UGT1A9: variants seen among roughly 807,000 people sequenced by gnomAD.
The protein encoded by UGT1A9 is UDP-glucuronosyltransferase 1A9.
UGT1A9 carries 35 observed loss-of-function variants against 45.0 expected under a neutral mutation model. That is an observed-to-expected ratio of 0.78 (90% CI 0.59 to 1.03). The LOEUF is 1.03. Ranked by LOEUF, UGT1A9 falls within the 50% of genes least tolerant of loss-of-function variation. The pLI is 0.00. For missense variants in UGT1A9, 687 were observed against 666.6 expected, an observed-to-expected ratio of 1.03 and a Z score of -0.34; for synonymous variants, 278 against 250.6, an observed-to-expected ratio of 1.11 and a Z score of -1.03.
At chr2:233,699,643 C>A (rs953035668) in intron 1 of UGT1A9, among the ~76,000 whole-genome samples, 1 of 152,182 alleles carries the variant, frequency 6.6e-6, no homozygotes, top group African/African-American at 2.4e-5. Context: ...TAGAGCCTAG[C>A]TAGGCCTGAA....
intron 1 of UGT1A9, among the ~76,000 whole-genome samples, chr2:233,736,665 A>C (rs1163835582): frequency 2.0e-5 from 3 of 152,142 alleles, no homozygotes; most frequent in Non-Finnish European, 4.4e-5. Flanking sequence ...TATGTACCTT[A>C]GGTCTTTGAT....
intron 1 of UGT1A9, among the ~76,000 whole-genome samples, chr2:233,706,280 G>A (rs2075901019): frequency 6.6e-6 from 1 of 152,024 alleles, no homozygotes; most frequent in Non-Finnish European, 1.5e-5. Context: ...CCTCAGGGGT[G>A]GGGCCCAGTG....
chr2:233,760,276 A>G (rs1040602725), intron 1 of UGT1A9: 1 of 1,612,606 alleles, frequency 6.2e-7, no homozygotes, highest in South Asian at 1.1e-5. Flanking sequence ...CTCTGGCAGG[A>G]GCAAAGGCGC....
chr2:233,729,271 C>A, intron 1 of UGT1A9: 1 of 1,614,166 alleles, frequency 6.2e-7, no homozygotes, highest in Non-Finnish European at 8.5e-7. Context: ...GGAGGTCTTG[C>A]GGGAGCTCCA....
chr2:233,688,190 C>A (rs10168155), intron 1 of UGT1A9, among the ~76,000 whole-genome samples: 1 of 151,962 alleles, frequency 6.6e-6, no homozygotes, highest in East Asian at 1.9e-4. Context: ...CCTTTATGAC[C>A]GGCTTCTTTC....
chr2:233,762,371 A>G (rs1296982558), intron 1 of UGT1A9, among the ~76,000 whole-genome samples: 2 of 152,236 alleles, frequency 1.3e-5, no homozygotes, highest in Non-Finnish European at 2.9e-5. Flanking sequence ...TTACATACCA[A>G]TATGTATATA....
chr2:233,718,727 A>C (rs1248220003), intron 1 of UGT1A9: 2 of 1,610,746 alleles, frequency 1.2e-6, no homozygotes, highest in East Asian at 2.2e-5. Context: ...CTGATTTGCT[A>C]GGTGGCTCAA....
chr2:233,719,056 C>G, intron 1 of UGT1A9: 1 of 1,614,284 alleles, frequency 6.2e-7, no homozygotes, highest in Middle Eastern at 1.6e-4. Context: ...ACCCTGACAG[C>G]CTATGCTGTT....
intron 1 of UGT1A9, chr2:233,729,291 C>A (rs370316255): frequency 1.9e-5 from 30 of 1,614,090 alleles, no homozygotes; most frequent in African/African-American, 2.7e-5. Context: ...ATGCCAGAGG[C>A]CACCAGGCAG....
intron 1 of UGT1A9, among the ~76,000 whole-genome samples, chr2:233,694,040 T>C (rs1407737408): frequency 6.6e-6 from 1 of 152,276 alleles, no homozygotes; most frequent in African/African-American, 2.4e-5. Flanking sequence ...GCTGAAGTGA[T>C]ACAGAGGCAT....
chr2:233,772,879 G>T lies in UGT1A9; in HGVS notation c.*320G>T. The stretch of plus-strand genomic sequence containing the variant: ...AAACATGGCCTGTTTGGGAGTGCGG[G>T]ATTCAAAGGTGGTCCCACGGCTGCC... On this transcript the variant is annotated 3_prime_UTR_variant, in exon 5 of 5. Transcript: ENST00000354728. The T allele has an allele frequency of 1.7e-6, 1 of 580,054 alleles. No individual in the cohort carries two copies. The allele number at this position is 580,054 out of a possible 1,614,324, so 35.9% of individuals were successfully genotyped here. A position where few individuals can be genotyped will look rare whatever the true frequency, so the allele number is the denominator to read the frequency against.
rs770564267 is a variant in UGT1A9 at position 233,772,524 on chromosome 2, C to A, written c.1558C>A (p.Arg520=). 1.2e-6 allele frequency: 2 copies of A among 1,613,956 alleles called. No individual in the cohort carries two copies. The highest frequency in any genetic ancestry group is 2.2e-5 in the East Asian group (1 of 44,874). Residue 520 remains arginine (R), a synonymous_variant, in exon 5 of 5, where the codon CGA becomes AGA. Transcript: ENST00000354728. ...GYRKCLGKKG[R]VKKAHKSKTH ...CCGGAAATGCTTGGGGAAAAAAGGG[C>A]GAGTTAAGAAAGCCCACAAATCCAA...
At chr2:233,736,641 C>G (rs1209687241) in intron 1 of UGT1A9, among the ~76,000 whole-genome samples, 1 of 152,216 alleles carries the variant, frequency 6.6e-6, no homozygotes, top group Non-Finnish European at 1.5e-5. Context: ...AGTTTCCCCC[C>G]ATCTTTGTGG....
intron 1 of UGT1A9, among the ~76,000 whole-genome samples, chr2:233,745,915 C>T (rs1264125490): frequency 5.3e-5 from 8 of 151,156 alleles, no homozygotes; most frequent in Admixed American, 5.3e-4. Flanking sequence ...GCAGCTGAGG[C>T]AGTGATTCAG....
chr2:233,729,818 A>G, intron 1 of UGT1A9: 1 of 1,613,812 alleles, frequency 6.2e-7, no homozygotes, highest in Non-Finnish European at 8.5e-7. Flanking sequence ...TCTGCTCCTT[A>G]TGCAAGCCTT....
chr2:233,745,134 A>C (rs1693022664), intron 1 of UGT1A9, among the ~76,000 whole-genome samples: 1 of 151,864 alleles, frequency 6.6e-6, no homozygotes, highest in Admixed American at 6.5e-5. Context: ...TGCAGATGTG[A>C]AGCCCAAGTA....
intron 1 of UGT1A9, chr2:233,713,114 G>A (rs1276880544): frequency 4.3e-6 from 7 of 1,614,110 alleles, no homozygotes; most frequent in Admixed American, 1.7e-5. Context: ...GCAGCCACTG[G>A]CTCAGCATGC....
chr2:233,690,192 A>T (rs1459130504), intron 1 of UGT1A9, among the ~76,000 whole-genome samples: 1 of 152,240 alleles, frequency 6.6e-6, no homozygotes, highest in Admixed American at 6.5e-5. Flanking sequence ...TTCATAAAAT[A>T]TTCATAAATT....
intron 1 of UGT1A9, among the ~76,000 whole-genome samples, chr2:233,744,376 C>T (rs1002936325): frequency 4.0e-5 from 6 of 151,828 alleles, no homozygotes; most frequent in Non-Finnish European, 8.8e-5. Context: ...GACTGCAGTT[C>T]TCCAACGTTC....
Sources: gnomAD v4.1 joint callset for allele counts (sites outside exome capture counted in the v4.1 genomes callset) on GRCh38, gnomAD v4.1.1 for gene constraint, MANE v1.5 for transcripts, NCBI Gene and HGNC (gene_info 2026-07-23, HGNC 2026-07-21) for gene names.